Variants in AAMP observed in about 807,000 individuals in gnomAD.
AAMP encodes angio associated migratory cell protein.
A neutral mutation model predicts 51.1 loss-of-function variants in AAMP; 12 were observed. That is an observed-to-expected ratio of 0.23 (90% CI 0.15 to 0.38). AAMP has a LOEUF of 0.38. Among genes scored for constraint, AAMP ranks in the 10% least tolerant of loss-of-function variants. The pLI is 1.00. For missense variants in AAMP, 418 were observed against 557.2 expected (o/e 0.75, Z 2.52); for synonymous variants, 210 against 218.7 (o/e 0.96, Z 0.35).
rs763866527 is a variant in AAMP at position 218,267,837 on chromosome 2, C to A, written c.275-224G>T. 6.6e-6 allele frequency among the ~76,000 whole-genome samples: 1 copy of A among 152,344 alleles called. No individual in the cohort carries two copies. The highest frequency in any genetic ancestry group is 2.4e-5 in the African/African-American group (1 of 41,576). On this transcript the variant is annotated intron_variant, in intron 2 of 10. Transcript: ENST00000248450. The surrounding 1 kb of genome is among the most constrained non-coding windows in gnomAD (Gnocchi z 4.6). ...CAGAGTAGATCCCCTCACTGTGTGA[C>A]TCCCGTCACCACCCAACACCAATGC...
rs762424019 is a variant in AAMP, at chr2:218,270,009, C to T, written c.78G>A (p.Glu26=). 6.2e-7 allele frequency: 1 copy of T among 1,614,158 alleles called. No homozygotes were observed. The highest frequency in any genetic ancestry group is 8.5e-7 in the Non-Finnish European group (1 of 1,180,022). Residue 26 remains glutamate (E), a synonymous_variant, in exon 1 of 11, where the codon GAG becomes GAA. Coordinates refer to ENST00000248450, the MANE Select transcript of AAMP (RefSeq NM_001087.5). The stretch of plus-strand genomic sequence containing the variant: ...GATCAAGTTCTACCACCTCGATAAT[C>T]TCTTCATCACCATGGAAGCTTAGGG... ...LETLSFHGDE[E]IIEVVELDPG...
Position 218,266,165 on chromosome 2 carries a change from T to C in AAMP, c.680-18A>G, listed in dbSNP as rs1690622745. 1 of 1,610,534 alleles carries C rather than the reference T, an allele frequency of 6.2e-7. No homozygotes were observed. Among genetic ancestry groups the C allele is most frequent in the Non-Finnish European group, 8.5e-7 (1 of 1,177,084 alleles). ...TCTCTTCCCTGAAGAGAGGCACAGA[T>C]GAAGAGAGGGCAGAGGGCACGCTCA... On this transcript the variant is annotated intron_variant, in intron 5 of 10. Coordinates refer to ENST00000248450, the MANE Select transcript of AAMP (RefSeq NM_001087.5). This position sits in a 1 kb window ranked among gnomAD's most constrained non-coding sequence, Gnocchi z 4.7.
chr2:218,265,252 G>A lies in AAMP; in HGVS notation c.1075-78C>T, dbSNP rs1211652614. The A allele has an allele frequency of 6.4e-7, 1 of 1,559,338 alleles. No individual in the cohort carries two copies. Among genetic ancestry groups the A allele is most frequent in the Non-Finnish European group, 8.7e-7 (1 of 1,151,788 alleles). ...CCATCTGCTCCCAATTCTCAAAGAG[G>A]GACAGCCACACACAAGGGCCAGGCA... On this transcript the variant is annotated intron_variant, in intron 9 of 10. Coordinates refer to ENST00000248450, the MANE Select transcript of AAMP (RefSeq NM_001087.5). The surrounding 1 kb of genome is among the most constrained non-coding windows in gnomAD (Gnocchi z 6.6).
In AAMP at chr2:218,266,100, C is replaced by G; in HGVS notation, c.727G>C (p.Asp243His). The G allele has an allele frequency of 6.2e-7, 1 of 1,614,156 alleles. No homozygotes were observed. Among genetic ancestry groups the G allele is most frequent in the Non-Finnish European group, 8.5e-7 (1 of 1,180,032 alleles). Reference protein sequence around the residue: ...GYEDGTIRIWDLKQGSPIHVL... With the variant: ...GYEDGTIRIWHLKQGSPIHVL... ...TGGATAGGGCTTCCCTGCTTCAGGT[C>G]CCAAATCCTGATGGTCCCATCTTCA... is the stretch of plus-strand genomic sequence containing the variant. The change falls in exon 6 of 11, where the codon GAC (aspartate) becomes CAC (histidine). Residue 243 changes from aspartate (D) to histidine (H), a missense_variant. By Grantham distance (81) the Asp-to-His change is moderately conservative. Coordinates refer to ENST00000248450, the MANE Select transcript of AAMP (RefSeq NM_001087.5). The surrounding 1 kb of genome is among the most constrained non-coding windows in gnomAD (Gnocchi z 4.7).
At chr2:218,264,851 G>A (rs922320105) in intron 10 of AAMP, among the ~76,000 whole-genome samples, 169 bp downstream of exon 10, 2 of 152,290 alleles carry the variant, frequency 1.3e-5, no homozygotes, top group Admixed American at 6.5e-5. Context: ...GTGGGGCCCC[G>A]GAGGGTCACT....
In AAMP at chr2:218,266,459, G is replaced by C; in HGVS notation, c.663C>G (p.Gly221=). The C allele has an allele frequency of 6.2e-7, 1 of 1,614,038 alleles. No homozygotes were observed. The highest frequency in any genetic ancestry group is 8.5e-7 in the Non-Finnish European group (1 of 1,179,946). Residue 221 remains glycine (G), a synonymous_variant, in exon 5 of 11, where the codon GGC becomes GGG. Transcript: ENST00000248450. The surrounding 1 kb of genome is among the most constrained non-coding windows in gnomAD (Gnocchi z 4.7). The part of the protein sequence containing the change: ...FQGPNCPATC[G]RVLPDGKRAV... The stretch of plus-strand genomic sequence containing the variant: ...TGCTCTCACCATCAGGGAGGACTCG[G>C]CCACAGGTGGCTGGGCAGTTGGGAC...
At chr2:218,269,631 C>T (rs1351750957) in intron 1 of AAMP, 97 bp from the exon 2 acceptor site, 2 of 1,592,712 alleles carry the variant, frequency 1.3e-6, no homozygotes, top group East Asian at 2.2e-5. Flanking sequence ...GGTCATGTGG[C>T]GAGAAGGGAA....
In AAMP at chr2:218,265,979, G is replaced by C. The variant is rs200002659; in HGVS notation, c.764-33C>G. ...AGAGCAGGGAGGCAGCTCAGGCTTC[G>C]TCCTACCTCCCCTCTGAGTCCTGCC... On this transcript the variant is annotated intron_variant, in intron 6 of 10. Transcript: ENST00000248450. The surrounding 1 kb of genome is among the most constrained non-coding windows in gnomAD (Gnocchi z 6.6). 6.2e-7 allele frequency: 1 copy of C among 1,609,312 alleles called. No homozygotes were observed. The highest frequency in any genetic ancestry group is 1.1e-5 in the South Asian group (1 of 90,940).
chr2:218,265,812 G>A lies in AAMP; in HGVS notation c.879+19C>T, dbSNP rs373354314. 19 of 1,603,390 alleles carry A rather than the reference G, an allele frequency of 1.2e-5. No homozygotes were observed. Among genetic ancestry groups the A allele is most frequent in the East Asian group, 2.2e-5 (1 of 44,706 alleles). ...AGTCGGGAAAGCGGAGGCCCCAGCC[G>A]GGCTCCAGGTCCACTCACCTTGCCG... On this transcript the variant is annotated intron_variant, in intron 7 of 10. Transcript: ENST00000248450. This position sits in a 1 kb window ranked among gnomAD's most constrained non-coding sequence, Gnocchi z 6.6.
intron 2 of AAMP, among the ~76,000 whole-genome samples, chr2:218,268,500 A>G (rs955850409): frequency 1.9e-4 from 28 of 151,140 alleles, no homozygotes; most frequent in African/African-American, 6.6e-4. Context: ...CACCACACCC[A>G]GCTAATTTTT....
At chr2:218,269,657 A>C in intron 1 of AAMP, 123 bp from the exon 2 acceptor site, 1 of 1,532,042 alleles carries the variant, frequency 6.5e-7, no homozygotes, top group Non-Finnish European at 8.9e-7. Flanking sequence ...AGTCAGACAC[A>C]CCGGGGTCCG....
intron 1 of AAMP, 174 bp downstream of exon 1, chr2:218,269,792 C>A (rs977807614): frequency 1.8e-6 from 2 of 1,134,108 alleles, no homozygotes; most frequent in African/African-American, 3.1e-5. Flanking sequence ...GTCAGGGAAC[C>A]CCCACCCCAG....
rs777743642 is a variant in AAMP, at chr2:218,267,001, G to A, written c.395-15C>T. ...GTCTTTATGGCCTTCAAAGAAAAGT[G>A]GGCAGAAAACAGAGGAAAAAAATAG... is the stretch of plus-strand genomic sequence containing the variant. On this transcript the variant is annotated splice_polypyrimidine_tract_variant and intron_variant, in intron 3 of 10. Transcript: ENST00000248450. The surrounding 1 kb of genome is among the most constrained non-coding windows in gnomAD (Gnocchi z 4.6). The A allele has an allele frequency of 1.9e-6, 3 of 1,611,484 alleles. No individual in the cohort carries two copies. Among genetic ancestry groups the A allele is most frequent in the Non-Finnish European group, 2.5e-6 (3 of 1,177,856 alleles).
In AAMP at chr2:218,266,950, T is replaced by C; in HGVS notation, c.431A>G (p.His144Arg). ...CCCTGTGGCCACTAGAGTGGAGTCA[T>C]GGCTGAAACCAGCACAAGTCACAGA... ...KDSVTCAGFS[H>R]DSTLVATGDM... The change falls in exon 4 of 11, where the codon CAT becomes CGT. Residue 144 changes from histidine to arginine, a missense_variant. Coordinates refer to ENST00000248450, the MANE Select transcript of AAMP (RefSeq NM_001087.5). This position sits in a 1 kb window ranked among gnomAD's most constrained non-coding sequence, Gnocchi z 4.7. The C allele has an allele frequency of 1.2e-6, 2 of 1,614,176 alleles. No homozygotes were observed. Among genetic ancestry groups the C allele is most frequent in the Non-Finnish European group, 1.7e-6 (2 of 1,180,030 alleles).
Position 218,266,419 on chromosome 2 carries a change from G to T in AAMP, c.679+24C>A. ...GATTCGGCCTCTGCACCCAGGAAAG[G>T]TCACTCAAGGGAGGTGCTCTCACCA... On this transcript the variant is annotated intron_variant, in intron 5 of 10. Transcript: ENST00000248450. The surrounding 1 kb of genome is among the most constrained non-coding windows in gnomAD (Gnocchi z 4.7). 1.2e-6 allele frequency: 2 copies of T among 1,609,462 alleles called. No individual in the cohort carries two copies. The highest frequency in any genetic ancestry group is 2.2e-5 in the South Asian group (2 of 90,946).
Position 218,265,888 on chromosome 2 carries a change from C to T in AAMP, c.822G>A (p.Leu274=), listed in dbSNP as rs752192004. 7 of 1,614,028 alleles carry T rather than the reference C, an allele frequency of 4.3e-6. No individual in the cohort carries two copies. The South Asian group carries it at 7.7e-5, about 18-fold the overall frequency. The change falls in exon 7 of 11, where the codon TTG becomes TTA. Residue 274 remains leucine (L), a synonymous_variant. Transcript: ENST00000248450. The surrounding 1 kb of genome is among the most constrained non-coding windows in gnomAD (Gnocchi z 6.6). ...GGCAGTCCACAGAGCCAGTTAGGAT[C>T]AAGCTGCCATCCTGGTTGGCAGCAA... is the stretch of plus-strand genomic sequence containing the variant. The part of the protein sequence containing the change: ...TCVAANQDGS[L]ILTGSVDCQA...
In AAMP at chr2:218,266,240, G is replaced by A; in HGVS notation, c.680-93C>T. ...AGAGGGAGAGGAAAGAAGAGTGGAA[G>A]GGCCCAGACACTGCCCCAGGAATCA... On this transcript the variant is annotated intron_variant, in intron 5 of 10. Transcript: ENST00000248450. This position sits in a 1 kb window ranked among gnomAD's most constrained non-coding sequence, Gnocchi z 4.7. 1 of 1,373,460 alleles carries A rather than the reference G, an allele frequency of 7.3e-7. No individual in the cohort carries two copies. Among genetic ancestry groups the A allele is most frequent in the Non-Finnish European group, 1.0e-6 (1 of 972,636 alleles). 85.1% of individuals were successfully genotyped at this position (1,373,460 alleles called of 1,614,324 possible). A position where few individuals can be genotyped will look rare whatever the true frequency, so the allele number is the denominator to read the frequency against.
chr2:218,266,381 G>T lies in AAMP; in HGVS notation c.679+62C>A. 1 of 1,584,844 alleles carries T rather than the reference G, an allele frequency of 6.3e-7. No homozygotes were observed. Among genetic ancestry groups the T allele is most frequent in the Non-Finnish European group, 8.6e-7 (1 of 1,159,992 alleles). ...GTGACCCAGAAGGCTGCTCTGGGAG[G>T]TGTATATCCCGGGATTCGGCCTCTG... On this transcript the variant is annotated intron_variant, in intron 5 of 10. Coordinates refer to ENST00000248450, the MANE Select transcript of AAMP (RefSeq NM_001087.5). The surrounding 1 kb of genome is among the most constrained non-coding windows in gnomAD (Gnocchi z 4.7).
Position 218,264,618 on chromosome 2 carries a change from G to A in AAMP, c.1230-10C>T, listed in dbSNP as rs766985970. ...CACCAGGGAGGCATCTCTGTAAACA[G>A]AAAGCATGTGATTGCAGAGACTGGG... On this transcript the variant is annotated splice_polypyrimidine_tract_variant and intron_variant, in intron 10 of 10. Coordinates refer to ENST00000248450, the MANE Select transcript of AAMP (RefSeq NM_001087.5). 1 of 1,613,514 alleles carries A rather than the reference G, an allele frequency of 6.2e-7. No individual in the cohort carries two copies. Among genetic ancestry groups the A allele is most frequent in the African/African-American group, 1.3e-5 (1 of 75,042 alleles).
Sources: allele counts gnomAD v4.1 joint callset (sites outside exome capture counted in the v4.1 genomes callset), GRCh38; gene constraint gnomAD v4.1.1; non-coding constraint Gnocchi (gnomAD v3.1); transcripts MANE v1.5; gene names NCBI Gene and HGNC (gene_info 2026-07-23, HGNC 2026-07-21).